The following RABGAP1L variants were observed in gnomAD, a reference collection of about 807,000 sequenced individuals.
RABGAP1L encodes the protein rab GTPase-activating protein 1-like.
In RABGAP1L, 63 loss-of-function variants were observed where a neutral mutation model predicts 137.7. The observed-to-expected ratio is 0.46, with a 90% confidence interval of 0.37 to 0.56. RABGAP1L has a LOEUF of 0.56. Ranked by LOEUF, RABGAP1L falls within the 20% of genes least tolerant of loss-of-function variation. The pLI is 0.00. For synonymous variants in RABGAP1L, 431 were observed against 433.7 expected (o/e 0.99, Z 0.08); for missense variants, 1,095 against 1,244.0 (o/e 0.88, Z 1.80).
intron 13 of RABGAP1L, among the ~76,000 whole-genome samples, chr1:174,451,317 A>T (rs1289665052): frequency 6.6e-6 from 1 of 152,230 alleles, no homozygotes; most frequent in Non-Finnish European, 1.5e-5. Flanking sequence ...TAAGGTATAA[A>T]TATAGTTAGA....
chr1:174,680,561 G>C (rs1005040273), intron 14 of RABGAP1L, among the ~76,000 whole-genome samples: 1 of 152,158 alleles, frequency 6.6e-6, no homozygotes, highest in African/African-American at 2.4e-5. Flanking sequence ...GTTGTATACA[G>C]AGCATATACA....
At chr1:174,345,635 G>GT (rs1042233423) in intron 11 of RABGAP1L, among the ~76,000 whole-genome samples, 2 of 152,070 alleles carry the variant, frequency 1.3e-5, no homozygotes, top group Non-Finnish European at 2.9e-5. Context: ...AGTTTGAATA[G>GT]TTTTTTTGGT....
intron 13 of RABGAP1L, among the ~76,000 whole-genome samples, chr1:174,461,823 T>A (rs920723714): frequency 1.3e-5 from 2 of 152,172 alleles, no homozygotes; most frequent in African/African-American, 4.8e-5. Context: ...TAATTGAATT[T>A]TTCCTTCCAA....
At chr1:174,549,384 C>G (rs748657057) in intron 13 of RABGAP1L, among the ~76,000 whole-genome samples, 102 of 152,176 alleles carry the variant, frequency 6.7e-4, no homozygotes, top group Non-Finnish European at 1.3e-3. Flanking sequence ...AAAGTGGTGG[C>G]TGTAGGTACT....
intron 13 of RABGAP1L, among the ~76,000 whole-genome samples, chr1:174,506,100 A>G (rs549566114): frequency 1.3e-5 from 2 of 152,354 alleles, no homozygotes; most frequent in East Asian, 3.9e-4. Flanking sequence ...GAACTCATAG[A>G]AACAAAGTAA....
At chr1:174,941,679 C>T (rs1441383888) in intron 19 of RABGAP1L, among the ~76,000 whole-genome samples, 1 of 127,976 alleles carries the variant, frequency 7.8e-6, no homozygotes, top group Admixed American at 7.5e-5. Flanking sequence ...TCCTCCCCCA[C>T]CAAAACGAAA....
intron 1 of RABGAP1L, among the ~76,000 whole-genome samples, chr1:174,162,798 TTTTTTAA>T (rs1250966069): frequency 7.2e-6 from 1 of 137,982 alleles, no homozygotes; most frequent in African/African-American, 2.7e-5. Context: ...TTTTTTTTTT[TTTTTTAA>T]TTATACTTTA....
At chr1:174,899,554 A>G (rs1047936710) in intron 19 of RABGAP1L, among the ~76,000 whole-genome samples, 1 of 152,174 alleles carries the variant, frequency 6.6e-6, no homozygotes, top group Non-Finnish European at 1.5e-5. Context: ...CTTTCAGATC[A>G]AAGATCCCTA....
At chr1:174,292,163 G>T (rs565859465) in intron 10 of RABGAP1L, among the ~76,000 whole-genome samples, 1 of 150,168 alleles carries the variant, frequency 6.7e-6, no homozygotes, top group South Asian at 2.1e-4. Flanking sequence ...TCTGCCTCCT[G>T]AGTAGCTAGG....
At chr1:174,878,336 C>T (rs1210996347) in intron 19 of RABGAP1L, among the ~76,000 whole-genome samples, 2 of 152,168 alleles carry the variant, frequency 1.3e-5, no homozygotes, top group Non-Finnish European at 2.9e-5. Context: ...AAGCAACTCT[C>T]CTGTCTCAGC....
Position 174,993,133 on chromosome 1 carries a change from T to C in RABGAP1L, c.*3132T>C, listed in dbSNP as rs561573532. 6.6e-6 allele frequency: 1 copy of C among 152,374 alleles called. No homozygotes were observed. The highest frequency in any genetic ancestry group is 1.9e-4 in the East Asian group (1 of 5,188). The allele number at this position is 152,374 out of a possible 1,614,324, so 9.4% of individuals were successfully genotyped here. A position where few individuals can be genotyped will look rare whatever the true frequency, so the allele number is the denominator to read the frequency against. On this transcript the variant is annotated 3_prime_UTR_variant, in exon 26 of 26. Coordinates refer to ENST00000681986, the MANE Select transcript of RABGAP1L (RefSeq NM_001366446.1). ...TGGATTTTGCAGTGCATATGTTTGC[T>C]AGCTTCCCACATCCTGAACCATGTC...
At chr1:174,711,883 T>C (rs1680554521) in intron 17 of RABGAP1L, among the ~76,000 whole-genome samples, 2 of 152,240 alleles carry the variant, frequency 1.3e-5, no homozygotes, top group African/African-American at 4.8e-5. Context: ...GGGTGGGAAC[T>C]TGGAGAACTT....
chr1:174,317,341 G>C (rs1408144185), intron 11 of RABGAP1L, among the ~76,000 whole-genome samples: 1 of 152,076 alleles, frequency 6.6e-6, no homozygotes, highest in East Asian at 1.9e-4. Context: ...TCATGTCCAA[G>C]GCTCTTCAGA....
chr1:174,966,207 G>A (rs866572212), intron 20 of RABGAP1L, among the ~76,000 whole-genome samples: 2 of 152,182 alleles, frequency 1.3e-5, no homozygotes, highest in African/African-American at 4.8e-5. Context: ...CCAAATGAAT[G>A]TAATGTACAT....
intron 13 of RABGAP1L, among the ~76,000 whole-genome samples, chr1:174,474,666 G>A (rs1658303986): frequency 6.6e-6 from 1 of 152,034 alleles, no homozygotes; most frequent in African/African-American, 2.4e-5. Flanking sequence ...GCAGTGGCAC[G>A]ATTTTAGCTC....
chr1:174,892,690 T>C (rs1407208172), intron 19 of RABGAP1L: 2 of 525,984 alleles, frequency 3.8e-6, no homozygotes, highest in Non-Finnish European at 7.5e-6. Flanking sequence ...CAAACGTGAA[T>C]ATTGCTATTG....
At chr1:174,298,094 G>C (rs1454684092) in intron 10 of RABGAP1L, among the ~76,000 whole-genome samples, 1 of 152,158 alleles carries the variant, frequency 6.6e-6, no homozygotes, top group Non-Finnish European at 1.5e-5. Context: ...GGGGTCCAGG[G>C]TGTATTTTAA....
chr1:174,179,828 G>C (rs1049889885), intron 1 of RABGAP1L, among the ~76,000 whole-genome samples: 3 of 152,220 alleles, frequency 2.0e-5, no homozygotes, highest in East Asian at 1.9e-4. Context: ...AGCTGGAATA[G>C]AGCAAGCCCT....
In RABGAP1L at chr1:174,423,424, C is replaced by A. The variant is rs186072809; in HGVS notation, c.1710+29279C>A. 3.7e-3 allele frequency among the ~76,000 whole-genome samples: 560 copies of A among 152,208 alleles called. 4 individuals carry two copies. The highest frequency in any genetic ancestry group is 0.012 in the African/African-American group (482 of 41,516). On this transcript the variant is annotated intron_variant, in intron 13 of 25. Coordinates refer to ENST00000681986, the MANE Select transcript of RABGAP1L (RefSeq NM_001366446.1). Reference sequence around the variant, plus strand: ...TTGGCAGCATCTGATGTCCTTTGGACTTTTGCTTCTTTATTCTGTTCTGGA... The same window carrying A: ...TTGGCAGCATCTGATGTCCTTTGGAATTTTGCTTCTTTATTCTGTTCTGGA...
Sources: gnomAD v4.1 joint callset for allele counts (sites outside exome capture counted in the v4.1 genomes callset) on GRCh38, gnomAD v4.1.1 for gene constraint, MANE v1.5 for transcripts, NCBI Gene and HGNC (gene_info 2026-07-23, HGNC 2026-07-21) for gene names.